The following RFX3 variants were observed in gnomAD, a reference collection of about 807,000 sequenced individuals.
The protein encoded by RFX3 is regulatory factor X3.
In RFX3, 14 loss-of-function variants were observed where a neutral mutation model predicts 98.6. The observed-to-expected ratio is 0.14, with a 90% confidence interval of 0.09 to 0.22. RFX3 has a LOEUF of 0.22. Ranked by LOEUF, RFX3 falls within the 10% of genes least tolerant of loss-of-function variation. RFX3 has a pLI of 1.00. For synonymous variants in RFX3, 383 were observed against 328.4 expected (o/e 1.17, Z -1.80); for missense variants, 639 against 926.9 (o/e 0.69, Z 4.03).
intron 14 of RFX3, among the ~76,000 whole-genome samples, chr9:3,249,340 C>T (rs1396113642): frequency 1.3e-5 from 2 of 152,086 alleles, no homozygotes; most frequent in Non-Finnish European, 2.9e-5. Context: ...AACACAGAAG[C>T]CTTGAATTCT....
At chr9:3,333,533 T>A (rs1286652054) in intron 3 of RFX3, among the ~76,000 whole-genome samples, 2 of 152,016 alleles carry the variant, frequency 1.3e-5, no homozygotes, top group African/African-American at 4.8e-5. Context: ...ATCTCATTTG[T>A]TTCTTTATTT....
chr9:3,482,966 T>A (rs1849922373), intron 1 of RFX3, among the ~76,000 whole-genome samples: 1 of 152,206 alleles, frequency 6.6e-6, no homozygotes. Context: ...GGGTAGACTA[T>A]CCACAACCAA....
At chr9:3,423,802 T>G in intron 1 of RFX3, among the ~76,000 whole-genome samples, 1 of 142,374 alleles carries the variant, frequency 7.0e-6, no homozygotes, top group African/African-American at 2.7e-5. Context: ...TATATATATA[T>G]ATATATATAT....
intron 1 of RFX3, among the ~76,000 whole-genome samples, chr9:3,509,423 C>T (rs1369547886): frequency 6.6e-6 from 1 of 151,664 alleles, no homozygotes; most frequent in Admixed American, 6.6e-5. Context: ...ACGTGCATAC[C>T]AGGACTGAAA....
At chr9:3,294,613 T>C (rs985723653) in intron 5 of RFX3, among the ~76,000 whole-genome samples, 1 of 152,174 alleles carries the variant, frequency 6.6e-6, no homozygotes, top group Non-Finnish European at 1.5e-5. Flanking sequence ...ACTTTTAATT[T>C]AAAAATTCAT....
chr9:3,511,315 T>C (rs1027442618), intron 1 of RFX3, among the ~76,000 whole-genome samples: 1 of 152,054 alleles, frequency 6.6e-6, no homozygotes, highest in Non-Finnish European at 1.5e-5. Context: ...CATTATAGAA[T>C]AGTTTCATGT....
At chr9:3,305,923 T>C (rs144935888) in intron 4 of RFX3, among the ~76,000 whole-genome samples, 45 of 152,234 alleles carry the variant, frequency 3.0e-4, no homozygotes, top group African/African-American at 9.9e-4. Context: ...ACATCAGCAT[T>C]TGACACCTAA....
intron 1 of RFX3, among the ~76,000 whole-genome samples, chr9:3,460,577 C>G (rs1185920534): frequency 6.6e-6 from 1 of 151,864 alleles, no homozygotes; most frequent in Admixed American, 6.6e-5. Context: ...TAGCTCTAAA[C>G]TTGAAACTGA....
intron 1 of RFX3, chr9:3,452,380 T>C (rs760480452): frequency 1.6e-5 from 5 of 322,104 alleles, no homozygotes; most frequent in South Asian, 1.2e-4. Flanking sequence ...TGCTTGACAC[T>C]AGGAGTTCAA....
chr9:3,454,394 T>C (rs1311558975), intron 1 of RFX3, among the ~76,000 whole-genome samples: 1 of 152,216 alleles, frequency 6.6e-6, no homozygotes, highest in Non-Finnish European at 1.5e-5. Context: ...TTTTTTATAC[T>C]TTCTAATTCT....
intron 2 of RFX3, among the ~76,000 whole-genome samples, chr9:3,388,552 A>G (rs566691356): frequency 5.9e-5 from 9 of 152,242 alleles, no homozygotes; most frequent in African/African-American, 2.2e-4. Context: ...GACTCAGATT[A>G]TGAACAAAGT....
intron 1 of RFX3, among the ~76,000 whole-genome samples, chr9:3,500,307 G>C (rs990017730): frequency 4.6e-5 from 7 of 152,078 alleles, no homozygotes; most frequent in African/African-American, 1.7e-4. Flanking sequence ...AAAAGAGGTA[G>C]AAGAAAATGA....
chr9:3,391,242 T>A (rs1840278864), intron 2 of RFX3, among the ~76,000 whole-genome samples: 1 of 152,074 alleles, frequency 6.6e-6, no homozygotes. Flanking sequence ...ATAGCATGAA[T>A]CTTATCAGTT....
chr9:3,392,649 G>C (rs936673952), intron 2 of RFX3, among the ~76,000 whole-genome samples: 4 of 151,672 alleles, frequency 2.6e-5, no homozygotes, highest in African/African-American at 9.7e-5. Context: ...TACAGTATTT[G>C]AAAATAGGCC....
intron 8 of RFX3, 28 bp downstream of exon 8, chr9:3,277,312 A>G (rs1825358774): frequency 6.2e-7 from 1 of 1,606,920 alleles, no homozygotes; most frequent in Non-Finnish European, 8.5e-7. Flanking sequence ...TCCTAGTAGC[A>G]ACTAATATGC....
At chr9:3,390,141 C>T (rs527359034) in intron 2 of RFX3, among the ~76,000 whole-genome samples, 32 of 152,272 alleles carry the variant, frequency 2.1e-4, no homozygotes, top group Admixed American at 9.8e-4. Flanking sequence ...TTGCCTGTGT[C>T]CTCACCCAAA....
chr9:3,483,909 T>C (rs904391303), intron 1 of RFX3, among the ~76,000 whole-genome samples: 4 of 152,170 alleles, frequency 2.6e-5, no homozygotes, highest in African/African-American at 9.6e-5. Flanking sequence ...AAAAATGGAG[T>C]AACGAAACAA....
At chr9:3,482,111 A>G (rs1202508258) in intron 1 of RFX3, among the ~76,000 whole-genome samples, 1 of 152,136 alleles carries the variant, frequency 6.6e-6, no homozygotes, top group East Asian at 1.9e-4. Flanking sequence ...TGTATAGGAT[A>G]CCACCCAAAT....
chr9:3,519,598 G>C (rs1818503559), intron 1 of RFX3, among the ~76,000 whole-genome samples: 1 of 152,082 alleles, frequency 6.6e-6, no homozygotes, highest in Non-Finnish European at 1.5e-5. Context: ...AGGGAAGATT[G>C]ATCCTATTTT....
Sources: gnomAD v4.1 joint callset for allele counts (sites outside exome capture counted in the v4.1 genomes callset) on GRCh38, gnomAD v4.1.1 for gene constraint, MANE v1.5 for transcripts, NCBI Gene and HGNC (gene_info 2026-07-23, HGNC 2026-07-21) for gene names.